The following DACH2 variants were observed in gnomAD, a reference collection of about 807,000 sequenced individuals.
The protein encoded by DACH2 is dachshund homolog 2.
Under a neutral mutation model 35.8 loss-of-function variants are expected in DACH2, and 17 were observed. The ratio of observed to expected loss-of-function variants is 0.48; its 90% CI spans 0.33 to 0.71. DACH2 has a LOEUF of 0.71. Ranked by LOEUF, DACH2 falls within the 30% of genes least tolerant of loss-of-function variation. The pLI is 0.02. For synonymous variants in DACH2, 195 were observed against 177.3 expected (o/e 1.10, Z -0.79); for missense variants, 469 against 472.7 (o/e 0.99, Z 0.07).
chrX:86,332,982 C>G (rs896892743), intron 1 of DACH2, among the ~76,000 whole-genome samples: 1 of 111,923 alleles, frequency 8.9e-6, no homozygotes, highest in Non-Finnish European at 1.9e-5. Flanking sequence ...TAGTTTTTCA[C>G]TGATCTGTTG....
chrX:86,198,578 G>A (rs1370599482), intron 1 of DACH2, among the ~76,000 whole-genome samples: 2 of 110,738 alleles, frequency 1.8e-5, no homozygotes, highest in African/African-American at 6.6e-5. Context: ...AACAAAAAAG[G>A]GGATATTACC....
At chrX:86,394,179 A>G (rs2036246041) in intron 2 of DACH2, among the ~76,000 whole-genome samples, 1 of 109,770 alleles carries the variant, frequency 9.1e-6, no homozygotes, top group South Asian at 3.9e-4. Context: ...ATACGTGTTT[A>G]CGTTATGATC....
intron 2 of DACH2, among the ~76,000 whole-genome samples, chrX:86,487,990 T>C (rs2038042716): frequency 9.0e-6 from 1 of 111,253 alleles, no homozygotes; most frequent in Admixed American, 9.7e-5. Flanking sequence ...TTGGGGACAA[T>C]AAAGTCTACT....
chrX:86,538,923 A>G (rs2038841808), intron 3 of DACH2, among the ~76,000 whole-genome samples: 1 of 111,795 alleles, frequency 8.9e-6, no homozygotes, highest in Admixed American at 9.6e-5. Context: ...GCTTCAAACC[A>G]AAGAAATAAT....
chrX:86,802,057 A>AT (rs2042299328), intron 7 of DACH2, among the ~76,000 whole-genome samples: 1 of 112,014 alleles, frequency 8.9e-6, no homozygotes, highest in Non-Finnish European at 1.9e-5. Flanking sequence ...TTTTGAAACG[A>AT]TTTTTTGAAA....
chrX:86,171,595 C>T (rs1011787299), intron 1 of DACH2, among the ~76,000 whole-genome samples: 1 of 111,161 alleles, frequency 9.0e-6, no homozygotes, highest in East Asian at 2.8e-4. Context: ...AGCTGTAAGA[C>T]GAGTTTGGTC....
chrX:86,823,656 GTTC>G (rs2042534841), intron 11 of DACH2, among the ~76,000 whole-genome samples: 1 of 111,668 alleles, frequency 9.0e-6, no homozygotes, highest in African/African-American at 3.3e-5. Flanking sequence ...TTCAACATAG[GTTC>G]TTTCTATTTT....
intron 2 of DACH2, among the ~76,000 whole-genome samples, chrX:86,406,008 G>A (rs1306089004): frequency 9.0e-6 from 1 of 111,244 alleles, no homozygotes; most frequent in Non-Finnish European, 1.9e-5. Context: ...AGAAGAGCAT[G>A]GAGGAAACTG....
At chrX:86,292,549 T>C (rs1166453885) in intron 1 of DACH2, among the ~76,000 whole-genome samples, 3 of 111,430 alleles carry the variant, frequency 2.7e-5, no homozygotes, top group Non-Finnish European at 3.8e-5. Context: ...TCCTGTTTTC[T>C]CTTGTGGGCA....
chrX:86,298,580 A>T (rs1199830781), intron 1 of DACH2, among the ~76,000 whole-genome samples: 2 of 111,863 alleles, frequency 1.8e-5, no homozygotes, highest in Non-Finnish European at 3.8e-5. Context: ...TTTAAAGACA[A>T]TATAGCCACA....
chrX:86,264,640 C>T (rs974379206), intron 1 of DACH2, among the ~76,000 whole-genome samples: 3 of 111,554 alleles, frequency 2.7e-5, no homozygotes, highest in Non-Finnish European at 1.9e-5. Context: ...AAAGATGTTA[C>T]GAAACTGTTG....
chrX:86,279,881 T>C (rs2033990717), intron 1 of DACH2, among the ~76,000 whole-genome samples: 1 of 108,380 alleles, frequency 9.2e-6, no homozygotes, highest in Non-Finnish European at 1.9e-5. Context: ...TACACAAGTA[T>C]CAATAGCTGA....
At chrX:86,503,259 A>G (rs1043315731) in intron 2 of DACH2, among the ~76,000 whole-genome samples, 6 of 112,026 alleles carry the variant, frequency 5.4e-5, no homozygotes, top group Admixed American at 4.7e-4. Flanking sequence ...ATTTACTGAC[A>G]GTAAAACTAC....
intron 3 of DACH2, among the ~76,000 whole-genome samples, chrX:86,520,216 G>A (rs1302492212): frequency 9.0e-6 from 1 of 111,638 alleles, no homozygotes; most frequent in Non-Finnish European, 1.9e-5. Context: ...GTATGGTTTT[G>A]AATCATTTTC....
At chrX:86,767,814 A>C (rs1024590172) in intron 7 of DACH2, among the ~76,000 whole-genome samples, 3 of 112,054 alleles carry the variant, frequency 2.7e-5, no homozygotes, top group Non-Finnish European at 5.6e-5. Flanking sequence ...AATAAGCACA[A>C]CACCAGAATT....
At chrX:86,284,535 G>A (rs2034105954) in intron 1 of DACH2, among the ~76,000 whole-genome samples, 1 of 110,379 alleles carries the variant, frequency 9.1e-6, no homozygotes, top group South Asian at 3.8e-4. Flanking sequence ...CAGAGTTACT[G>A]GCCTGTAGTT....
intron 3 of DACH2, among the ~76,000 whole-genome samples, chrX:86,583,775 GT>G (rs1420048854): frequency 9.1e-6 from 1 of 109,899 alleles, no homozygotes; most frequent in Non-Finnish European, 1.9e-5. Flanking sequence ...GTCATAGTGT[GT>G]GTGTGAGTGT....
In DACH2 at chrX:86,387,213, G is replaced by T. The variant is rs1178491041; in HGVS notation, c.527+10351G>T. Among the ~76,000 whole-genome samples the T allele has an allele frequency of 6.3e-5, 7 of 111,201 alleles. No individual in the cohort carries two copies. In the Admixed American group the frequency reaches 6.8e-4, roughly 11 times the overall value. ...GGATCATTTTATTTTTCTCAGAGAG[G>T]GTTTGGGGTCAAATAAATTTGGGAA... On this transcript the variant is annotated intron_variant, in intron 2 of 11. Coordinates refer to ENST00000373125, the MANE Select transcript of DACH2 (RefSeq NM_053281.3).
At chrX:86,590,908 C>A (rs1399798449) in intron 3 of DACH2, among the ~76,000 whole-genome samples, 1 of 110,843 alleles carries the variant, frequency 9.0e-6, no homozygotes, top group African/African-American at 3.3e-5. Context: ...TGGTGTGCTG[C>A]ACCCATTAAC....
Sources: allele counts gnomAD v4.1 joint callset (sites outside exome capture counted in the v4.1 genomes callset), GRCh38; gene constraint gnomAD v4.1.1; transcripts MANE v1.5; gene names NCBI Gene and HGNC (gene_info 2026-07-23, HGNC 2026-07-21).